TRIO: variants seen among roughly 807,000 people sequenced by gnomAD.
TRIO encodes triple functional domain protein.
Under a neutral mutation model 351.9 loss-of-function variants are expected in TRIO, and 58 were observed. The observed-to-expected ratio is 0.16, with a 90% CI of 0.13 to 0.21. The LOEUF is 0.21. TRIO is among the 10% of genes least tolerant of loss of function. The pLI, the probability that TRIO is intolerant of heterozygous loss-of-function variation, is 1.00. For synonymous variants in TRIO, 1,758 were observed against 1,595.7 expected (o/e 1.10, Z -2.42); for missense variants, 3,201 against 4,027.8 (o/e 0.79, Z 5.56).
chr5:14,395,906 C>T (rs1747521905), intron 28 of TRIO, among the ~76,000 whole-genome samples: 1 of 151,910 alleles, frequency 6.6e-6, no homozygotes, highest in African/African-American at 2.4e-5. Flanking sequence ...ACTAGCCGGG[C>T]ATGGTGGCGG....
rs182107300 is a variant in TRIO, at chr5:14,490,031, C to T, written c.7632+1771C>T. The stretch of plus-strand genomic sequence containing the variant: ...TGATGTCTCACACCTGTAATCCCAG[C>T]GCTTTGGGAGGCCGAGACGGGCAGA... On this transcript the variant is annotated intron_variant, in intron 48 of 56. Transcript: ENST00000344204. Among the ~76,000 whole-genome samples, 90 of 152,290 alleles carry T rather than the reference C, an allele frequency of 5.9e-4. No homozygotes were observed. In the East Asian group the frequency reaches 0.013, roughly 22 times the overall value.
intron 1 of TRIO, among the ~76,000 whole-genome samples, chr5:14,144,586 G>T (rs1418742149): frequency 5.3e-5 from 8 of 152,154 alleles, no homozygotes; most frequent in Non-Finnish European, 1.0e-4. Context: ...GTGGCCCCGG[G>T]GGGGCGGCGC....
At chr5:14,396,507 TC>T (rs1318038049) in intron 28 of TRIO, among the ~76,000 whole-genome samples, 1 of 122,750 alleles carries the variant, frequency 8.1e-6, no homozygotes, top group African/African-American at 3.0e-5. Context: ...TCTTGCTCTG[TC>T]CCCCAGGCTG....
At chr5:14,429,596 A>T (rs1246436111) in intron 34 of TRIO, among the ~76,000 whole-genome samples, 3 of 152,218 alleles carry the variant, frequency 2.0e-5, no homozygotes, top group Non-Finnish European at 4.4e-5. Context: ...ACTTTTACAT[A>T]CACGTTCACA....
chr5:14,442,135 G>A (rs1242613463), intron 34 of TRIO, among the ~76,000 whole-genome samples: 1 of 152,232 alleles, frequency 6.6e-6, no homozygotes, highest in Non-Finnish European at 1.5e-5. Flanking sequence ...GAAAAAAGGA[G>A]TCTCTCACAG....
At chr5:14,406,701 GA>G in intron 33 of TRIO, 29 bp downstream of exon 33, 1 of 1,606,308 alleles carries the variant, frequency 6.2e-7, no homozygotes, top group South Asian at 1.1e-5. Flanking sequence ...TTTGTGTGCG[GA>G]GGGGAATGTG....
In TRIO at chr5:14,487,894, C is replaced by T. The variant is rs937815045; in HGVS notation, c.7266C>T (p.Ala2422=). The change falls in exon 48 of 57, where the codon GCC becomes GCT. Residue 2422 remains alanine, a synonymous_variant. Transcript: ENST00000344204. The part of the protein sequence containing the change: ...MKVLESPRKG[A]ANASGSSPDA... ...TGCTGGAGAGCCCCAGGAAAGGCGC[C>T]GCGAACGCCTCGGGGTCGAGCCCAG... 5.2e-6 allele frequency: 8 copies of T among 1,539,958 alleles called. No homozygotes were observed. The Admixed American group carries it at 8.1e-5, about 16-fold the overall frequency.
chr5:14,240,861 A>G (rs1794087374), intron 1 of TRIO, among the ~76,000 whole-genome samples: 1 of 152,180 alleles, frequency 6.6e-6, no homozygotes, highest in East Asian at 1.9e-4. Context: ...AACTATTGAG[A>G]TGGTATTCAT....
At chr5:14,343,171 G>T (rs777920002) in intron 11 of TRIO, among the ~76,000 whole-genome samples, 5 of 151,318 alleles carry the variant, frequency 3.3e-5, no homozygotes, top group Non-Finnish European at 5.9e-5. Context: ...GTAGCATCTT[G>T]CATAACCTCA....
At chr5:14,205,905 GT>G (rs1791429757) in intron 1 of TRIO, among the ~76,000 whole-genome samples, 1 of 151,952 alleles carries the variant, frequency 6.6e-6, no homozygotes, top group Non-Finnish European at 1.5e-5. Flanking sequence ...GCTAATTTTT[GT>G]ATTTTAGTAG....
chr5:14,509,778 G>T lies in TRIO; in HGVS notation c.*1356G>T. On this transcript the variant is annotated 3_prime_UTR_variant, in exon 57 of 57. Transcript: ENST00000344204. ...GAGTCCTTTCAACTCAAGGAGGCTG[G>T]GTTTCTGGGCACCCTCGAAGTTTTC... The T allele has an allele frequency of 1.0e-5, 2 of 194,518 alleles. No individual in the cohort carries two copies. The highest frequency in any genetic ancestry group is 2.2e-3 in the Middle Eastern group (1 of 458). The allele number at this position is 194,518 out of a possible 1,614,324, so 12.0% of individuals were successfully genotyped here.
intron 1 of TRIO, among the ~76,000 whole-genome samples, chr5:14,160,348 A>G (rs956857922): frequency 1.3e-5 from 2 of 152,186 alleles, no homozygotes; most frequent in Non-Finnish European, 2.9e-5. Context: ...CCAGTTTCAA[A>G]TGCCTAGCTC....
At chr5:14,232,621 A>T (rs977641968) in intron 1 of TRIO, among the ~76,000 whole-genome samples, 9 of 152,294 alleles carry the variant, frequency 5.9e-5, no homozygotes, top group African/African-American at 2.2e-4. Context: ...ACTTTTGTCC[A>T]CCATGTTTTA....
chr5:14,317,385 C>T (rs752080016), intron 9 of TRIO, among the ~76,000 whole-genome samples: 11 of 152,164 alleles, frequency 7.2e-5, no homozygotes, highest in Non-Finnish European at 1.6e-4. Flanking sequence ...CATGTCCTTG[C>T]CCCCAAATAG....
At chr5:14,388,835 T>G (rs576333584) in intron 24 of TRIO, among the ~76,000 whole-genome samples, 156 bp downstream of exon 24, 1 of 152,320 alleles carries the variant, frequency 6.6e-6, no homozygotes, top group East Asian at 1.9e-4. Flanking sequence ...GGTTTCATGT[T>G]TCTGCACTTC....
At chr5:14,154,117 G>C (rs1205054184) in intron 1 of TRIO, among the ~76,000 whole-genome samples, 1 of 152,130 alleles carries the variant, frequency 6.6e-6, no homozygotes, top group Non-Finnish European at 1.5e-5. Flanking sequence ...CTCACAGTCT[G>C]GGGAGAAATC....
At chr5:14,390,398 T>G in intron 26 of TRIO, 98 bp downstream of exon 26, 3 of 1,086,306 alleles carry the variant, frequency 2.8e-6, no homozygotes, top group Non-Finnish European at 4.1e-6. Flanking sequence ...CACCATCTTC[T>G]GCTCATATCC....
chr5:14,345,449 G>A (rs1459521435), intron 11 of TRIO, among the ~76,000 whole-genome samples: 1 of 152,170 alleles, frequency 6.6e-6, no homozygotes, highest in African/African-American at 2.4e-5. Context: ...TTAATTAGCT[G>A]TTTGTCAGTA....
chr5:14,340,484 G>A (rs895667304), intron 11 of TRIO, among the ~76,000 whole-genome samples: 2 of 151,916 alleles, frequency 1.3e-5, no homozygotes, highest in South Asian at 2.1e-4. Context: ...AAAGGCTCTC[G>A]TGACAGAAGT....
Sources: allele counts gnomAD v4.1 joint callset (sites outside exome capture counted in the v4.1 genomes callset), GRCh38; gene constraint gnomAD v4.1.1; transcripts MANE v1.5; gene names NCBI Gene and HGNC (gene_info 2026-07-23, HGNC 2026-07-21).